PRKAG2: variants seen among roughly 807,000 people sequenced by gnomAD.
PRKAG2 encodes protein kinase AMP-activated non-catalytic subunit gamma 2, also known as 5'-AMP-activated protein kinase subunit gamma-2.
Under a neutral mutation model 69.6 loss-of-function variants are expected in PRKAG2, and 26 were observed. The observed-to-expected ratio is 0.37, with a 90% confidence interval of 0.27 to 0.52. The LOEUF (loss-of-function observed/expected upper bound fraction) is 0.52, where lower values mean the gene tolerates loss of function less well. PRKAG2 is among the 20% of genes least tolerant of loss of function. The probability of loss-of-function intolerance (pLI) is 0.90; values close to 1 mark genes in which losing one functional copy is unlikely to be tolerated. For missense variants in PRKAG2, 557 were observed against 740.0 expected (o/e 0.75, Z 2.87); for synonymous variants, 293 against 285.0 (o/e 1.03, Z -0.28).
intron 3 of PRKAG2, among the ~76,000 whole-genome samples, chr7:151,708,712 C>T (rs1839035863): frequency 6.6e-6 from 1 of 152,192 alleles, no homozygotes; most frequent in African/African-American, 2.4e-5. Flanking sequence ...GGTAAAATGT[C>T]CAGCAATTCA....
intron 3 of PRKAG2, among the ~76,000 whole-genome samples, chr7:151,698,400 C>T (rs147091747): frequency 3.1e-3 from 467 of 152,208 alleles, no homozygotes; most frequent in Middle Eastern, 6.8e-3. Context: ...TTGTCCCCTC[C>T]GAATCTCATG....
At chr7:151,624,356 G>C (rs1822335379) in intron 5 of PRKAG2, among the ~76,000 whole-genome samples, 1 of 151,830 alleles carries the variant, frequency 6.6e-6, no homozygotes, top group East Asian at 1.9e-4. Context: ...TCGCCATGTT[G>C]CCCAGGCCGA....
intron 3 of PRKAG2, among the ~76,000 whole-genome samples, chr7:151,676,513 G>C (rs1333458087): frequency 6.6e-6 from 1 of 152,176 alleles, no homozygotes; most frequent in African/African-American, 2.4e-5. Flanking sequence ...CTGGAGACAT[G>C]AATCTTCTGG....
At chr7:151,615,125 A>G (rs552295404) in intron 5 of PRKAG2, among the ~76,000 whole-genome samples, 16 of 152,326 alleles carry the variant, frequency 1.1e-4, no homozygotes, top group African/African-American at 3.8e-4. Flanking sequence ...ACCCCGAGAA[A>G]GGAGCTGTTT....
At position 151,831,453 on chromosome 7, in the gene PRKAG2, G is replaced by A. The variant is rs118117374; in HGVS notation, c.115-44912C>T. ...CATGGACGAACCTTAAAAATATTTC[G>A]TTACGTGAAAGAAGTCATAAAAGAC... On this transcript the variant is annotated intron_variant, in intron 1 of 15. Transcript: ENST00000287878. 4.0e-3 allele frequency among the ~76,000 whole-genome samples: 606 copies of A among 152,094 alleles called. 29 individuals are homozygous for A. The East Asian group carries it at 0.1, about 25-fold the overall frequency.
chr7:151,843,055 C>A (rs1303957517), intron 1 of PRKAG2, among the ~76,000 whole-genome samples: 2 of 152,070 alleles, frequency 1.3e-5, no homozygotes, highest in Non-Finnish European at 2.9e-5. Context: ...GACACACATA[C>A]ACGCAGGCCA....
chr7:151,800,067 C>T (rs568785500), intron 1 of PRKAG2, among the ~76,000 whole-genome samples: 3 of 151,396 alleles, frequency 2.0e-5, no homozygotes, highest in South Asian at 2.1e-4. Flanking sequence ...ATTTGAAAGT[C>T]GCCTCACGGG....
At chr7:151,703,568 A>AT (rs1372260167) in intron 3 of PRKAG2, among the ~76,000 whole-genome samples, 1 of 152,162 alleles carries the variant, frequency 6.6e-6, no homozygotes, top group Non-Finnish European at 1.5e-5. Context: ...AGCTTGACAA[A>AT]TTTGCACAAA....
At chr7:151,827,748 A>G (rs895410775) in intron 1 of PRKAG2, among the ~76,000 whole-genome samples, 2 of 133,862 alleles carry the variant, frequency 1.5e-5, no homozygotes, top group Non-Finnish European at 3.3e-5. Context: ...CCTTAGGTAA[A>G]AAAAAAAAAA....
At chr7:151,800,237 A>C (rs2077764917) in intron 1 of PRKAG2, among the ~76,000 whole-genome samples, 1 of 151,918 alleles carries the variant, frequency 6.6e-6, no homozygotes, top group Admixed American at 6.6e-5. Context: ...GGGCACCTGT[A>C]GTCCAAGCTA....
chr7:151,572,380 G>C (rs28764002), intron 9 of PRKAG2: 2 of 270,724 alleles, frequency 7.4e-6, no homozygotes, highest in African/African-American at 4.4e-5. Flanking sequence ...TGTGGGCAGC[G>C]AGGTGGGGCT....
chr7:151,812,129 T>C (rs2078452493), intron 1 of PRKAG2, among the ~76,000 whole-genome samples: 2 of 152,168 alleles, frequency 1.3e-5, no homozygotes, highest in South Asian at 2.1e-4. Context: ...AGAGGTAACG[T>C]AGAGACAGAT....
chr7:151,645,771 T>C (rs1827459484), intron 4 of PRKAG2, among the ~76,000 whole-genome samples: 1 of 152,222 alleles, frequency 6.6e-6, no homozygotes, highest in Non-Finnish European at 1.5e-5. Flanking sequence ...AGCTAAGAAA[T>C]CTTTGCCTCC....
At position 151,807,636 on chromosome 7, in the gene PRKAG2, G is replaced by A. The variant is rs1197718384; in HGVS notation, c.115-21095C>T. Reference sequence around the variant, plus strand: ...ACCAAAAGCCCAGTTTCTCCAACAGGTAAGTCCCAGCAGGGTGCGATGTCC... The same window carrying A: ...ACCAAAAGCCCAGTTTCTCCAACAGATAAGTCCCAGCAGGGTGCGATGTCC... On this transcript the variant is annotated intron_variant, in intron 1 of 15. Transcript: ENST00000287878. The surrounding 1 kb of genome is among the most constrained non-coding windows in gnomAD (Gnocchi z 4.4). 1 of 457,532 alleles carries A rather than the reference G, an allele frequency of 2.2e-6. No homozygotes were observed. Among genetic ancestry groups the A allele is most frequent in the African/African-American group, 2.0e-5 (1 of 50,056 alleles). The allele number at this position is 457,532 out of a possible 1,614,324, so 28.3% of individuals were successfully genotyped here. A position where few individuals can be genotyped will look rare whatever the true frequency, so the allele number is the denominator to read the frequency against.
At position 151,776,975 on chromosome 7, in the gene PRKAG2, G is replaced by T. The variant is rs118182726; in HGVS notation, c.466+4177C>A. On this transcript the variant is annotated intron_variant, in intron 3 of 15. Transcript: ENST00000287878. ...GACCCCTTGGGTGCTGGACACTGCCGGGGTGAGGCCTCCCGAAGGTACAGC... is the reference window on the plus strand; with the variant it reads ...GACCCCTTGGGTGCTGGACACTGCCTGGGTGAGGCCTCCCGAAGGTACAGC... Among the ~76,000 whole-genome samples, 1,950 of 152,268 alleles carry T rather than the reference G, an allele frequency of 0.013. 97 individuals carry two copies. In the East Asian group the frequency reaches 0.18, roughly 14 times the overall value.
chr7:151,557,752 C>T, intron 15 of PRKAG2: 2 of 490,180 alleles, frequency 4.1e-6, no homozygotes, highest in Non-Finnish European at 5.3e-6. Context: ...CGCCTGTAAT[C>T]CCAGCTACTT....
intron 2 of PRKAG2, among the ~76,000 whole-genome samples, chr7:151,782,335 A>G (rs13243779): frequency 4.2e-3 from 115 of 27,356 alleles, no homozygotes; most frequent in Non-Finnish European, 5.3e-3. Context: ...GAAGGAAGGA[A>G]GGAAGGAGGG....
chr7:151,875,933 G>A (rs988938043), intron 1 of PRKAG2, among the ~76,000 whole-genome samples: 1 of 152,026 alleles, frequency 6.6e-6, no homozygotes. Flanking sequence ...CGGGGGAAGG[G>A]AACGGCGGCA....
chr7:151,766,918 CA>C (rs2075761837), intron 3 of PRKAG2, among the ~76,000 whole-genome samples: 1 of 152,152 alleles, frequency 6.6e-6, no homozygotes, highest in Non-Finnish European at 1.5e-5. Flanking sequence ...TGTGTCCCTC[CA>C]AAAGTCACAT....
Sources: allele counts gnomAD v4.1 joint callset (sites outside exome capture counted in the v4.1 genomes callset), GRCh38; gene constraint gnomAD v4.1.1; non-coding constraint Gnocchi (gnomAD v3.1); transcripts MANE v1.5; gene names NCBI Gene and HGNC (gene_info 2026-07-23, HGNC 2026-07-21).